The following CSPP1 variants were observed in gnomAD, a reference collection of about 807,000 sequenced individuals.
CSPP1 encodes centrosome and spindle pole-associated protein 1.
A neutral mutation model predicts 164.4 loss-of-function variants in CSPP1; 126 were observed. That is an observed-to-expected ratio of 0.77 (90% CI 0.66 to 0.89). The LOEUF is 0.89. Ranked by LOEUF, CSPP1 falls within the 40% of genes least tolerant of loss-of-function variation. CSPP1 has a pLI of 0.00. For synonymous variants in CSPP1, 472 were observed against 476.7 expected (o/e 0.99, Z 0.13); for missense variants, 1,395 against 1,449.8 (o/e 0.96, Z 0.61).
chr8:67,179,255 TC>T (rs1832427906), intron 27 of CSPP1, among the ~76,000 whole-genome samples: 1 of 152,210 alleles, frequency 6.6e-6, no homozygotes, highest in African/African-American at 2.4e-5. Flanking sequence ...GCATTTTTTT[TC>T]GTTACTATAC....
Position 67,112,020 on chromosome 8 carries a change from T to G in CSPP1, c.1142T>G (p.Leu381Arg), listed in dbSNP as rs1816953413. ...LIQRRKEKYR[L>R]ELLEQMAEQQ... ...CAGAGAAGGAAAGAGAAATACAGAC[T>G]AGAACTGTTGGAACAAATGGCTGAG... The change falls in exon 10 of 31, where the codon CTA becomes CGA. Residue 381 changes from leucine (L) to arginine (R), a missense_variant. By Grantham distance (102) the Leu-to-Arg change is moderately radical. Coordinates refer to ENST00000678616, the MANE Select transcript of CSPP1 (RefSeq NM_001382391.1). The G allele has an allele frequency of 6.2e-7, 1 of 1,612,364 alleles. No homozygotes were observed. The highest frequency in any genetic ancestry group is 1.7e-5 in the Admixed American group (1 of 59,788).
chr8:67,067,008 G>A (rs1445980455), intron 1 of CSPP1, among the ~76,000 whole-genome samples: 1 of 152,150 alleles, frequency 6.6e-6, no homozygotes, highest in East Asian at 1.9e-4. Context: ...CGCCCGTCTT[G>A]GCCTCCCAAA....
chr8:67,115,571 T>C (rs1817761930), intron 12 of CSPP1, among the ~76,000 whole-genome samples: 1 of 152,118 alleles, frequency 6.6e-6, no homozygotes, highest in Non-Finnish European at 1.5e-5. Context: ...ACTCTGAGGC[T>C]GAGGCAGGAG....
intron 29 of CSPP1, among the ~76,000 whole-genome samples, chr8:67,191,853 T>C (rs1836346125): frequency 6.6e-6 from 1 of 152,208 alleles, no homozygotes; most frequent in South Asian, 2.1e-4. Context: ...GGCTGTACCA[T>C]TTTACCTTCC....
intron 18 of CSPP1, among the ~76,000 whole-genome samples, chr8:67,152,697 T>TA (rs1278356174): frequency 8.5e-5 from 13 of 152,234 alleles, no homozygotes; most frequent in Non-Finnish European, 1.8e-4. Flanking sequence ...GCATAAAATT[T>TA]AAAAGAGCCT....
chr8:67,163,321 G>A (rs1231095976), intron 22 of CSPP1, among the ~76,000 whole-genome samples: 2 of 152,178 alleles, frequency 1.3e-5, no homozygotes, highest in Non-Finnish European at 2.9e-5. Context: ...AGGAGACAGT[G>A]AGCAATGAAG....
chr8:67,145,055 CA>C (rs1184105758), intron 17 of CSPP1, among the ~76,000 whole-genome samples: 3,380 of 62,374 alleles, frequency 0.054, 93 homozygotes, highest in African/African-American at 0.16. Context: ...GACTCCATCT[CA>C]AAAAAAAAAA....
chr8:67,088,296 G>GT (rs796899406), intron 4 of CSPP1, among the ~76,000 whole-genome samples: 49 of 150,370 alleles, frequency 3.3e-4, no homozygotes, highest in African/African-American at 8.8e-4. Context: ...TTGTTTTTTG[G>GT]TTTTTTTTTG....
intron 29 of CSPP1, among the ~76,000 whole-genome samples, chr8:67,192,913 A>C (rs1292722240): frequency 1.3e-5 from 2 of 152,150 alleles, no homozygotes; most frequent in Non-Finnish European, 2.9e-5. Flanking sequence ...CTGCTGCTTC[A>C]GTTTTTTCCT....
chr8:67,074,383 T>C, intron 2 of CSPP1, 32 bp downstream of exon 2: 1 of 1,332,244 alleles, frequency 7.5e-7, no homozygotes, highest in East Asian at 2.4e-5. Flanking sequence ...GAACATGTTT[T>C]ATTATAATTG....
chr8:67,164,132 T>A (rs559782385), intron 23 of CSPP1, among the ~76,000 whole-genome samples: 1 of 152,248 alleles, frequency 6.6e-6, no homozygotes, highest in Non-Finnish European at 1.5e-5. Context: ...AGGAACTTCC[T>A]TGGGCCTCTC....
At chr8:67,141,386 C>T (rs1195254968) in intron 17 of CSPP1, among the ~76,000 whole-genome samples, 1 of 152,146 alleles carries the variant, frequency 6.6e-6, no homozygotes, top group Non-Finnish European at 1.5e-5. Flanking sequence ...TTATTTAATG[C>T]CGTCTTCATG....
chr8:67,113,708 G>A (rs1817351547), intron 10 of CSPP1, 97 bp from the exon 11 acceptor site: 1 of 641,054 alleles, frequency 1.6e-6, no homozygotes, highest in Non-Finnish European at 2.7e-6. Flanking sequence ...TGTAGATGTA[G>A]TGCATAGACT....
At chr8:67,084,949 A>C (rs1245022772) in intron 3 of CSPP1, among the ~76,000 whole-genome samples, 1 of 152,184 alleles carries the variant, frequency 6.6e-6, no homozygotes, top group Non-Finnish European at 1.5e-5. Context: ...GTTGAGATAT[A>C]ATTTACACAC....
intron 9 of CSPP1, among the ~76,000 whole-genome samples, chr8:67,109,065 G>T (rs1816274247): frequency 6.6e-6 from 1 of 152,220 alleles, no homozygotes; most frequent in Non-Finnish European, 1.5e-5. Context: ...ACTCCAGTGG[G>T]TCAAGTCTGG....
chr8:67,163,867 TA>T, intron 23 of CSPP1, 69 bp downstream of exon 23: 4 of 1,259,178 alleles, frequency 3.2e-6, no homozygotes, highest in Non-Finnish European at 4.5e-6. Flanking sequence ...GAAATAATTA[TA>T]AACTCATAGA....
chr8:67,151,492 C>T (rs1191186574), intron 18 of CSPP1, among the ~76,000 whole-genome samples: 5 of 152,108 alleles, frequency 3.3e-5, no homozygotes, highest in Admixed American at 3.3e-4. Context: ...AGTTCTGGCT[C>T]AGCCTAGAAC....
chr8:67,137,329 T>TG (rs1469557644), intron 16 of CSPP1, 127 bp from the exon 17 acceptor site: 10 of 639,558 alleles, frequency 1.6e-5, no homozygotes, highest in African/African-American at 1.1e-4. Context: ...GGGGGTACAC[T>TG]GGGGAAAAAA....
At chr8:67,188,501 G>A (rs1458173240) in intron 28 of CSPP1, among the ~76,000 whole-genome samples, 3 of 152,204 alleles carry the variant, frequency 2.0e-5, no homozygotes, top group African/African-American at 7.2e-5. Context: ...GACAATGATC[G>A]GGATATAAAC....
Sources: allele counts gnomAD v4.1 joint callset (sites outside exome capture counted in the v4.1 genomes callset), GRCh38; gene constraint gnomAD v4.1.1; transcripts MANE v1.5; gene names NCBI Gene and HGNC (gene_info 2026-07-23, HGNC 2026-07-21).